Variants in FOXP2 observed in about 807,000 individuals in gnomAD.
FOXP2 encodes the protein forkhead box protein P2.
In FOXP2, 12 loss-of-function variants were observed where a neutral mutation model predicts 115.8. That is an observed-to-expected ratio of 0.10 (90% CI 0.07 to 0.17). FOXP2 has a LOEUF of 0.17. Among genes scored for constraint, FOXP2 ranks in the 10% least tolerant of loss-of-function variants. The pLI is 1.00. For synonymous variants in FOXP2, 328 were observed against 297.7 expected, an observed-to-expected ratio of 1.10 and a Z score of -1.05; for missense variants, 629 against 843.5, an observed-to-expected ratio of 0.75 and a Z score of 3.15.
chr7:114,224,805 A>G lies in FOXP2; in HGVS notation c.-102+61717A>G, dbSNP rs542715750. 1.4e-4 allele frequency among the ~76,000 whole-genome samples: 21 copies of G among 152,292 alleles called. No homozygotes were observed. The South Asian group carries it at 4.3e-3, about 32-fold the overall frequency. On this transcript the variant is annotated intron_variant, in intron 1 of 17. Coordinates refer to the FOXP2 transcript ENST00000634411. ...AGTAGGTGGGATTATAAGTGTGCAC[A>G]TAGCATGCCTGGCTATTCCTGATTT...
chr7:114,271,438 A>G (rs1203121213), intron 1 of FOXP2, among the ~76,000 whole-genome samples: 1 of 143,536 alleles, frequency 7.0e-6, no homozygotes, highest in Non-Finnish European at 1.5e-5. Flanking sequence ...TTATCAAGTT[A>G]AGGAAGTTCC....
chr7:114,297,046 C>T (rs1004994793), intron 2 of FOXP2: 3 of 367,274 alleles, frequency 8.2e-6, no homozygotes, highest in African/African-American at 2.2e-5. Context: ...GTTATATCCA[C>T]TATATGCATT....
chr7:114,155,342 A>C (rs368179278), intron 1 of FOXP2, among the ~76,000 whole-genome samples: 1 of 152,106 alleles, frequency 6.6e-6, no homozygotes, highest in African/African-American at 2.4e-5. Flanking sequence ...TAAAACAGAG[A>C]TCTTAAGACT....
At chr7:114,163,062 A>G (rs1319978778) in exon 1 of FOXP2, 2 of 152,152 alleles carry the variant, frequency 1.3e-5, no homozygotes, top group African/African-American at 4.8e-5. Context: ...ATCCTGAGAG[A>G]GAGAATTAAA....
At chr7:114,347,834 G>A (rs2690825) in intron 2 of FOXP2, among the ~76,000 whole-genome samples, 87,107 of 151,764 alleles carry the variant, frequency 0.57, 25,703 homozygotes, top group East Asian at 0.84. Flanking sequence ...TTCTTGATAC[G>A]AAATTCCTAT....
intron 1 of FOXP2, among the ~76,000 whole-genome samples, chr7:114,164,424 A>G (rs1044069489): frequency 2.0e-5 from 3 of 150,694 alleles, no homozygotes. Flanking sequence ...GGCTCACTGC[A>G]ACCTCCCCCT....
chr7:114,469,814 A>T (rs1019691865), intron 2 of FOXP2, among the ~76,000 whole-genome samples: 30 of 152,198 alleles, frequency 2.0e-4, no homozygotes, highest in African/African-American at 6.5e-4. Flanking sequence ...ATAAAATGAA[A>T]GTAATTGTGA....
chr7:114,352,702 T>C (rs576749208), intron 2 of FOXP2, among the ~76,000 whole-genome samples: 1 of 152,232 alleles, frequency 6.6e-6, no homozygotes, highest in South Asian at 2.1e-4. Context: ...CCCACACTAA[T>C]GACCTCATTT....
At chr7:114,588,284 G>C (rs1218567680) in intron 3 of FOXP2, among the ~76,000 whole-genome samples, 1 of 151,894 alleles carries the variant, frequency 6.6e-6, no homozygotes, top group Non-Finnish European at 1.5e-5. Context: ...TCCAGCCTGG[G>C]CAACAGATGA....
rs577908532 is a variant in FOXP2, at chr7:114,327,347, T to C, written c.-11+39238T>C. ...AAATGAAGTAGCATTAAAATTCTTATCTGGTCTATCAAACTGAAATTTAAT... is the reference window on the plus strand; with the variant it reads ...AAATGAAGTAGCATTAAAATTCTTACCTGGTCTATCAAACTGAAATTTAAT... On this transcript the variant is annotated intron_variant, in intron 2 of 17. Coordinates refer to the FOXP2 transcript ENST00000634411. Among the ~76,000 whole-genome samples, 7 of 152,292 alleles carry C rather than the reference T, an allele frequency of 4.6e-5. No individual in the cohort carries two copies. In the South Asian group the frequency reaches 1.4e-3, roughly 32 times the overall value.
intron 2 of FOXP2, among the ~76,000 whole-genome samples, chr7:114,525,510 T>C (rs976793416): frequency 6.6e-6 from 1 of 152,198 alleles, no homozygotes; most frequent in South Asian, 2.1e-4. Flanking sequence ...AACAGCAGTT[T>C]AAATACCACT....
intron 3 of FOXP2, among the ~76,000 whole-genome samples, chr7:114,567,511 T>G (rs1801084729): frequency 6.6e-6 from 1 of 152,144 alleles, no homozygotes. Context: ...CACATTTAAT[T>G]GAAGAATAGA....
At chr7:114,334,415 TAG>T in intron 2 of FOXP2, among the ~76,000 whole-genome samples, 1 of 151,988 alleles carries the variant, frequency 6.6e-6, no homozygotes. Context: ...TTAATGACCC[TAG>T]AGAGAATGAT....
intron 2 of FOXP2, among the ~76,000 whole-genome samples, chr7:114,386,390 A>G (rs1350329498): frequency 6.6e-6 from 1 of 152,236 alleles, no homozygotes; most frequent in African/African-American, 2.4e-5. Context: ...TAGAAAAACA[A>G]AAGCACAAAA....
intron 3 of FOXP2, among the ~76,000 whole-genome samples, chr7:114,583,309 T>A (rs1584922557): frequency 6.6e-6 from 1 of 151,496 alleles, no homozygotes; most frequent in South Asian, 2.1e-4. Context: ...AACCCGGAGG[T>A]GGGGGTTGCA....
intron 2 of FOXP2, among the ~76,000 whole-genome samples, chr7:114,344,731 G>T (rs1414519973): frequency 1.3e-5 from 2 of 151,736 alleles, no homozygotes; most frequent in African/African-American, 4.8e-5. Flanking sequence ...AATTTTGATT[G>T]AATTCTTGTG....
intron 2 of FOXP2, among the ~76,000 whole-genome samples, chr7:114,441,264 A>G (rs903514395): frequency 1.3e-5 from 2 of 152,082 alleles, no homozygotes; most frequent in Non-Finnish European, 2.9e-5. Context: ...CCTGGCCAAC[A>G]TGGTGAAACC....
intron 3 of FOXP2, among the ~76,000 whole-genome samples, chr7:114,563,591 A>G (rs1563001701): frequency 1.3e-5 from 2 of 152,150 alleles, no homozygotes; most frequent in Non-Finnish European, 2.9e-5. Context: ...TGGGCTGAGA[A>G]CTACTCCTTT....
chr7:114,176,298 T>TTCTCTCTCTCTCTCTCTCTCTCTCTCTC (rs1554426487), intron 1 of FOXP2, among the ~76,000 whole-genome samples: 4 of 76,516 alleles, frequency 5.2e-5, no homozygotes, highest in African/African-American at 1.6e-4. Flanking sequence ...CTTTCTTTCT[T>TTCTCTCTCTCTCTCTCTCTCTCTCTCTC]TCTCTCTCTC....
Sources: allele counts gnomAD v4.1 joint callset (sites outside exome capture counted in the v4.1 genomes callset), GRCh38; gene constraint gnomAD v4.1.1; transcripts MANE v1.5; gene names NCBI Gene and HGNC (gene_info 2026-07-23, HGNC 2026-07-21).